Variants in CDC42SE2 observed in about 807,000 individuals in gnomAD.
The protein encoded by CDC42SE2 is CDC42 small effector protein 2.
Under a neutral mutation model 11.5 loss-of-function variants are expected in CDC42SE2, and 3 were observed. The ratio of observed to expected loss-of-function variants is 0.26; its 90% CI spans 0.12 to 0.67. CDC42SE2 has a LOEUF of 0.67. Ranked by LOEUF, CDC42SE2 falls within the 30% of genes least tolerant of loss-of-function variation. CDC42SE2 has a pLI of 0.80. For synonymous variants in CDC42SE2, 33 were observed against 34.8 expected (o/e 0.95, Z 0.18); for missense variants, 82 against 106.8 (o/e 0.77, Z 1.02).
upstream of CDC42SE2, among the ~76,000 whole-genome samples, chr5:131,243,318 G>A (rs1374810232): frequency 1.3e-5 from 2 of 152,074 alleles, no homozygotes; most frequent in African/African-American, 2.4e-5. Context: ...GGTGGCTCAC[G>A]CCTGTAATCC....
chr5:131,338,389 C>T (rs1758628433), intron 2 of CDC42SE2, among the ~76,000 whole-genome samples: 1 of 152,130 alleles, frequency 6.6e-6, no homozygotes, highest in African/African-American at 2.4e-5. Context: ...TATAGCCTCA[C>T]TAGAAATATA....
intron 2 of CDC42SE2, among the ~76,000 whole-genome samples, chr5:131,321,523 A>G (rs1056321688): frequency 1.3e-5 from 2 of 152,172 alleles, no homozygotes; most frequent in African/African-American, 4.8e-5. Flanking sequence ...CTGATTTCTA[A>G]GATAAAGTGT....
upstream of CDC42SE2, among the ~76,000 whole-genome samples, chr5:131,243,516 G>A (rs758789438): frequency 3.9e-4 from 60 of 152,312 alleles, no homozygotes; most frequent in Middle Eastern, 3.4e-3. Context: ...AACCCGGAAG[G>A]TGGAGGTTGC....
intron 3 of CDC42SE2, among the ~76,000 whole-genome samples, chr5:131,382,765 T>G (rs1411414561): frequency 6.6e-6 from 1 of 152,188 alleles, no homozygotes; most frequent in East Asian, 1.9e-4. Context: ...CCTCTCTACC[T>G]GTCAGTTAAG....
At chr5:131,305,282 AG>A (rs1318160614) in intron 1 of CDC42SE2, among the ~76,000 whole-genome samples, 1 of 152,364 alleles carries the variant, frequency 6.6e-6, no homozygotes, top group African/African-American at 2.4e-5. Flanking sequence ...CTATGTTAAA[AG>A]AAAAACTTTA....
intron 1 of CDC42SE2, among the ~76,000 whole-genome samples, chr5:131,292,240 CAAAA>C (rs1202956370): frequency 1.6e-4 from 4 of 25,604 alleles, no homozygotes; most frequent in South Asian, 2.8e-3. Flanking sequence ...TCTGTCTCAC[CAAAA>C]AAAAAAAAAA....
chr5:131,301,370 A>G (rs1484788884), intron 1 of CDC42SE2, among the ~76,000 whole-genome samples: 2 of 152,214 alleles, frequency 1.3e-5, no homozygotes, highest in African/African-American at 4.8e-5. Flanking sequence ...AATGTTTGAA[A>G]TGGTGGGTAT....
In CDC42SE2 at chr5:131,328,560, CT is replaced by C. The variant is rs1215854531; in HGVS notation, c.-286+12421del. The stretch of plus-strand genomic sequence containing the variant: ...ACATATTCAGTATTTCTACTTGATC[CT>C]TTTTCATGGTTTCCTGTTTTGGCTT... On this transcript the variant is annotated intron_variant, in intron 2 of 4. Transcript: ENST00000505065. Among the ~76,000 whole-genome samples, 18 of 152,136 alleles carry C rather than the reference CT, an allele frequency of 1.2e-4. No individual in the cohort carries two copies. In the East Asian group the frequency reaches 3.5e-3, roughly 29 times the overall value.
chr5:131,278,375 G>A (rs1005753942), intron 1 of CDC42SE2, among the ~76,000 whole-genome samples: 1 of 152,064 alleles, frequency 6.6e-6, no homozygotes, highest in Non-Finnish European at 1.5e-5. Flanking sequence ...GGATTATTCC[G>A]ATAAAAGCCT....
At chr5:131,243,251 A>G (rs1355985375), upstream of CDC42SE2, among the ~76,000 whole-genome samples, 2 of 152,208 alleles carry the variant, frequency 1.3e-5, no homozygotes, top group Non-Finnish European at 2.9e-5. Context: ...ACCCTGCACT[A>G]GGCTTAATGT....
chr5:131,300,877 A>G (rs942059995), intron 1 of CDC42SE2, among the ~76,000 whole-genome samples: 6 of 152,210 alleles, frequency 3.9e-5, no homozygotes, highest in African/African-American at 1.4e-4. Context: ...TATAATGTGC[A>G]TATTGCATAA....
intron 1 of CDC42SE2, among the ~76,000 whole-genome samples, chr5:131,277,843 T>G (rs1391192561): frequency 6.6e-6 from 1 of 152,182 alleles, no homozygotes; most frequent in East Asian, 1.9e-4. Context: ...TCCTTGAAAT[T>G]ATGTGTTTTT....
chr5:131,250,317 G>A (rs1269697694), intron 1 of CDC42SE2, among the ~76,000 whole-genome samples: 1 of 152,108 alleles, frequency 6.6e-6, no homozygotes, highest in East Asian at 1.9e-4. Flanking sequence ...AATTTACAGA[G>A]ACAGCAACAA....
the CDC42SE2 span, among the ~76,000 whole-genome samples, chr5:131,231,778 T>C: frequency 6.6e-6 from 1 of 150,976 alleles, no homozygotes; most frequent in Non-Finnish European, 1.5e-5. Flanking sequence ...ATTGTTATAC[T>C]TTTTTTTCTT....
At chr5:131,311,995 A>G (rs373291736) in intron 1 of CDC42SE2, among the ~76,000 whole-genome samples, 4 of 152,154 alleles carry the variant, frequency 2.6e-5, no homozygotes, top group African/African-American at 9.7e-5. Flanking sequence ...GAGGAACTGC[A>G]TTCCTTTGGA....
intron 2 of CDC42SE2, among the ~76,000 whole-genome samples, chr5:131,318,874 G>A (rs1758103661): frequency 6.6e-6 from 1 of 152,112 alleles, no homozygotes; most frequent in South Asian, 2.1e-4. Context: ...TGACACAGAT[G>A]TGCAGGTTGG....
intron 1 of CDC42SE2, among the ~76,000 whole-genome samples, chr5:131,282,967 G>T (rs187749021): frequency 1.2e-3 from 156 of 132,288 alleles, no homozygotes; most frequent in African/African-American, 4.2e-3. Context: ...CACTCTTGTT[G>T]CCCAGGCTGG....
At chr5:131,265,985 A>G (rs1186510770) in intron 1 of CDC42SE2, among the ~76,000 whole-genome samples, 2 of 152,232 alleles carry the variant, frequency 1.3e-5, no homozygotes, top group East Asian at 3.8e-4. Flanking sequence ...TTTAAAATAA[A>G]GCTTCATTTC....
rs890810527 is a variant in CDC42SE2, at chr5:131,391,928, G to A, written c.*837G>A. ...TGAATTACAAAAAAGAAGTGTGATG[G>A]CACCTTGTCCACCCTGTCGTGATTA... On this transcript the variant is annotated 3_prime_UTR_variant, in exon 5 of 5. Coordinates refer to ENST00000505065, the MANE Select transcript of CDC42SE2 (RefSeq NM_001375635.1). 1.3e-5 allele frequency: 2 copies of A among 152,120 alleles called. No homozygotes were observed. The highest frequency in any genetic ancestry group is 2.4e-5 in the African/African-American group (1 of 41,350). The allele number at this position is 152,120 out of a possible 1,614,324, so 9.4% of individuals were successfully genotyped here.
Sources: gnomAD v4.1 joint callset for allele counts (sites outside exome capture counted in the v4.1 genomes callset) on GRCh38, gnomAD v4.1.1 for gene constraint, MANE v1.5 for transcripts, NCBI Gene and HGNC (gene_info 2026-07-23, HGNC 2026-07-21) for gene names.